The following SLC8A1 variants were observed in gnomAD, a reference collection of about 807,000 sequenced individuals.
SLC8A1 encodes sodium/calcium exchanger 1.
SLC8A1 carries 18 observed loss-of-function variants against 68.3 expected under a neutral mutation model. The ratio of observed to expected loss-of-function variants is 0.26; its 90% CI spans 0.18 to 0.39. The LOEUF is 0.39. SLC8A1 is among the 10% of genes least tolerant of loss of function. The pLI, the probability that SLC8A1 is intolerant of heterozygous loss-of-function variation, is 1.00. For synonymous variants in SLC8A1, 475 were observed against 415.5 expected (o/e 1.14, Z -1.74); for missense variants, 985 against 1,156.7 (o/e 0.85, Z 2.15).
chr2:40,299,686 C>G (rs909683117), intron 2 of SLC8A1, among the ~76,000 whole-genome samples: 1 of 152,158 alleles, frequency 6.6e-6, no homozygotes, highest in Non-Finnish European at 1.5e-5. Context: ...TTGCTCTATG[C>G]TACACCTGCA....
intron 2 of SLC8A1, among the ~76,000 whole-genome samples, chr2:40,197,612 T>C (rs2053297441): frequency 6.6e-6 from 1 of 151,980 alleles, no homozygotes; most frequent in Non-Finnish European, 1.5e-5. Flanking sequence ...CACTCTCTGG[T>C]AGGTCTGCTT....
At chr2:40,262,862 C>T (rs1173882138) in intron 2 of SLC8A1, among the ~76,000 whole-genome samples, 1 of 152,192 alleles carries the variant, frequency 6.6e-6, no homozygotes, top group Non-Finnish European at 1.5e-5. Flanking sequence ...CCTCCCACCT[C>T]TTTCAAACAC....
chr2:40,383,200 GC>G (rs1441231416), intron 2 of SLC8A1, among the ~76,000 whole-genome samples: 1 of 152,026 alleles, frequency 6.6e-6, no homozygotes, highest in African/African-American at 2.4e-5. Context: ...AAATCATGGA[GC>G]AAAGTTTCAT....
At chr2:40,480,694 T>C (rs892956912) in intron 1 of SLC8A1, among the ~76,000 whole-genome samples, 3 of 152,130 alleles carry the variant, frequency 2.0e-5, no homozygotes, top group Non-Finnish European at 4.4e-5. Context: ...CTCAAGGACA[T>C]AATTTAACAA....
chr2:40,196,435 G>T (rs1218883652), intron 2 of SLC8A1, among the ~76,000 whole-genome samples: 1 of 151,944 alleles, frequency 6.6e-6, no homozygotes, highest in Non-Finnish European at 1.5e-5. Context: ...TTTATGGAAG[G>T]AACATAATAT....
chr2:40,430,165 A>C (rs1697922016), exon 2 of SLC8A1: 1 of 1,613,708 alleles, frequency 6.2e-7, no homozygotes, highest in Non-Finnish European at 8.5e-7. Flanking sequence ...TTCTCCTTCC[A>C]TTTCTGTCTC....
chr2:40,447,810 C>T (rs980482221), intron 1 of SLC8A1, among the ~76,000 whole-genome samples: 1 of 152,188 alleles, frequency 6.6e-6, no homozygotes. Context: ...ACTGTATAGA[C>T]TGCTGCCTGC....
intron 2 of SLC8A1, among the ~76,000 whole-genome samples, chr2:40,304,260 TAG>T (rs931501240): frequency 6.6e-6 from 1 of 152,180 alleles, no homozygotes; most frequent in African/African-American, 2.4e-5. Context: ...CCCTTTTAAT[TAG>T]AGTTTTAGTC....
At chr2:40,277,211 C>G (rs535232969) in intron 2 of SLC8A1, among the ~76,000 whole-genome samples, 1 of 151,778 alleles carries the variant, frequency 6.6e-6, no homozygotes, top group African/African-American at 2.4e-5. Context: ...TGACAAGTTA[C>G]TTGCCCTCTC....
chr2:40,388,691 C>T (rs1032177066), intron 2 of SLC8A1, among the ~76,000 whole-genome samples: 15 of 151,958 alleles, frequency 9.9e-5, no homozygotes, highest in African/African-American at 2.9e-4. Context: ...AAGCTTGGAC[C>T]AAATCAAATA....
intron 2 of SLC8A1, among the ~76,000 whole-genome samples, chr2:40,261,566 A>T (rs1471950564): frequency 6.6e-6 from 1 of 152,182 alleles, no homozygotes; most frequent in Non-Finnish European, 1.5e-5. Context: ...GATTTAGGCA[A>T]TGTTAGTTTC....
intron 7 of SLC8A1, among the ~76,000 whole-genome samples, chr2:40,138,867 CT>C (rs1468472987): frequency 6.6e-6 from 1 of 152,194 alleles, no homozygotes; most frequent in Non-Finnish European, 1.5e-5. Context: ...GGCCTGTCCA[CT>C]TTTGTCAGGA....
At chr2:40,502,115 A>G (rs1166770439) in intron 1 of SLC8A1, among the ~76,000 whole-genome samples, 2 of 152,136 alleles carry the variant, frequency 1.3e-5, no homozygotes, top group Non-Finnish European at 2.9e-5. Context: ...ATATAGACAG[A>G]AAAGCAAACA....
At chr2:40,414,376 G>A (rs1187941118) in intron 2 of SLC8A1, among the ~76,000 whole-genome samples, 1 of 152,174 alleles carries the variant, frequency 6.6e-6, no homozygotes, top group Non-Finnish European at 1.5e-5. Flanking sequence ...TAATGTGACA[G>A]TGTGTCTGAT....
At chr2:40,317,459 C>T (rs1029753326) in intron 2 of SLC8A1, among the ~76,000 whole-genome samples, 2 of 151,946 alleles carry the variant, frequency 1.3e-5, no homozygotes, top group African/African-American at 4.8e-5. Flanking sequence ...AAGCTTAAAG[C>T]AAGTTTTATT....
chr2:40,215,735 A>G (rs1180850924), intron 2 of SLC8A1, among the ~76,000 whole-genome samples: 1 of 151,658 alleles, frequency 6.6e-6, no homozygotes, highest in Non-Finnish European at 1.5e-5. Context: ...GCTTCAAGCA[A>G]TCCTCCTGTA....
chr2:40,134,739 T>A (rs2040162291), intron 7 of SLC8A1, among the ~76,000 whole-genome samples: 1 of 152,236 alleles, frequency 6.6e-6, no homozygotes, highest in South Asian at 2.1e-4. Flanking sequence ...TGTAAATGAC[T>A]GATTTGTACA....
At chr2:40,211,325 T>G (rs1216756884) in intron 2 of SLC8A1, among the ~76,000 whole-genome samples, 1 of 152,222 alleles carries the variant, frequency 6.6e-6, no homozygotes, top group Non-Finnish European at 1.5e-5. Context: ...TTTTTGACAT[T>G]TTATTTGTCT....
intron 1 of SLC8A1, among the ~76,000 whole-genome samples, chr2:40,479,819 T>C (rs1704520660): frequency 6.6e-6 from 1 of 152,186 alleles, no homozygotes; most frequent in Admixed American, 6.5e-5. Flanking sequence ...ATAAGCCCAG[T>C]TAGTATCCCT....
Sources: allele counts gnomAD v4.1 joint callset (sites outside exome capture counted in the v4.1 genomes callset), GRCh38; gene constraint gnomAD v4.1.1; transcripts MANE v1.5; gene names NCBI Gene and HGNC (gene_info 2026-07-23, HGNC 2026-07-21).